The following ADGRV1 variants were observed in gnomAD, a reference collection of about 807,000 sequenced individuals.
The protein encoded by ADGRV1 is G-protein coupled receptor 98.
ADGRV1 carries 359 observed loss-of-function variants against 596.2 expected under a neutral mutation model. That is an observed-to-expected ratio of 0.60 (90% CI 0.55 to 0.66). The LOEUF (loss-of-function observed/expected upper bound fraction) is 0.66. Among genes scored for constraint, ADGRV1 ranks in the 30% least tolerant of loss-of-function variants. The pLI, the probability that ADGRV1 is intolerant of heterozygous loss-of-function variation, is 0.00. For synonymous variants in ADGRV1, 2,681 were observed against 2,679.2 expected (o/e 1.00, Z -0.02); for missense variants, 7,274 against 7,575.6 (o/e 0.96, Z 1.48).
At chr5:90,803,946 T>TTAGAGATGTG (rs1252396242) in intron 71 of ADGRV1, among the ~76,000 whole-genome samples, 106 of 152,314 alleles carry the variant, frequency 7.0e-4, no homozygotes, top group African/African-American at 1.9e-3. Context: ...TCCATCATGG[T>TTAGAGATGTG]ACATTCACAT....
At chr5:90,908,049 C>T (rs1380292945) in intron 83 of ADGRV1, among the ~76,000 whole-genome samples, 1 of 152,060 alleles carries the variant, frequency 6.6e-6, no homozygotes, top group Non-Finnish European at 1.5e-5. Context: ...CGGGCTTTCA[C>T]CACGTCTCTC....
intron 1 of ADGRV1, among the ~76,000 whole-genome samples, chr5:90,585,357 C>G (rs180763742): frequency 9.2e-5 from 14 of 152,264 alleles, no homozygotes; most frequent in Admixed American, 2.0e-4. Context: ...TGTGCATCAT[C>G]GTAAGTGTGG....
intron 32 of ADGRV1, 64 bp downstream of exon 32, chr5:90,692,850 C>T: frequency 8.1e-7 from 1 of 1,232,054 alleles, no homozygotes; most frequent in Non-Finnish European, 1.1e-6. Flanking sequence ...GGGGAAGGAT[C>T]CCTTGCACAG....
intron 34 of ADGRV1, among the ~76,000 whole-genome samples, chr5:90,702,864 T>A (rs2149681775): frequency 6.6e-6 from 1 of 152,112 alleles, no homozygotes; most frequent in East Asian, 1.9e-4. Flanking sequence ...TTTTTAGTGA[T>A]ACAGTTCATT....
intron 83 of ADGRV1, among the ~76,000 whole-genome samples, chr5:90,896,826 G>A (rs1288304289): frequency 3.3e-5 from 5 of 152,116 alleles, no homozygotes; most frequent in African/African-American, 1.2e-4. Flanking sequence ...TAAAAATGTA[G>A]CCTTATCATG....
chr5:91,068,255 G>T (rs1788058374), intron 85 of ADGRV1, among the ~76,000 whole-genome samples: 1 of 151,630 alleles, frequency 6.6e-6, no homozygotes, highest in Non-Finnish European at 1.5e-5. Flanking sequence ...AGGAGATCAA[G>T]ACCATCCTGG....
chr5:90,810,315 G>A lies in ADGRV1; in HGVS notation c.15055G>A (p.Asp5019Asn). The stretch of plus-strand genomic sequence containing the variant: ...CTCAAGAAATATCATAGTGTCAGAA[G>A]ATACACAGATGATCAGATTACATGT... The part of the protein sequence containing the change: ...TSSRNIIVSE[D>N]TQMIRLHVQR... The change falls in exon 74 of 90, where the codon GAT becomes AAT. Residue 5019 changes from aspartate to asparagine, a missense_variant. This residue lies in a region of ADGRV1 where 1,874 missense variants were observed against 1,970.2 expected (regional missense o/e 0.95). Coordinates refer to ENST00000405460, the MANE Select transcript of ADGRV1 (RefSeq NM_032119.4). 6.2e-7 allele frequency: 1 copy of A among 1,610,682 alleles called. No individual in the cohort carries two copies. The highest frequency in any genetic ancestry group is 8.5e-7 in the Non-Finnish European group (1 of 1,178,316).
intron 6 of ADGRV1, 45 bp downstream of exon 6, chr5:90,625,288 G>A: frequency 5.9e-6 from 7 of 1,182,660 alleles, no homozygotes; most frequent in South Asian, 1.3e-5. Flanking sequence ...ATTCTGTGTT[G>A]CAGGACACAG....
At chr5:91,077,967 G>A (rs1443931981) in intron 86 of ADGRV1, among the ~76,000 whole-genome samples, 1 of 152,120 alleles carries the variant, frequency 6.6e-6, no homozygotes, top group Non-Finnish European at 1.5e-5. Context: ...AAGAAAGAAA[G>A]TAGATGATTA....
At chr5:90,878,108 A>G (rs539156891) in intron 83 of ADGRV1, among the ~76,000 whole-genome samples, 5 of 152,316 alleles carry the variant, frequency 3.3e-5, no homozygotes, top group African/African-American at 1.2e-4. Flanking sequence ...TAGGTTATTA[A>G]TAGGCTTGGG....
chr5:90,810,133 C>G (rs1762301697), intron 73 of ADGRV1, 100 bp from the exon 74 acceptor site: 1 of 931,754 alleles, frequency 1.1e-6, no homozygotes, highest in African/African-American at 1.7e-5. Flanking sequence ...AAGTTGCTGC[C>G]CTCATGAGCA....
intron 21 of ADGRV1, among the ~76,000 whole-genome samples, chr5:90,664,551 A>C (rs202153171): frequency 1.7e-5 from 2 of 120,568 alleles, no homozygotes; most frequent in Non-Finnish European, 3.3e-5. Context: ...CAATCATGTC[A>C]TCTGCAAACA....
chr5:90,858,191 A>C (rs193117335), intron 82 of ADGRV1, among the ~76,000 whole-genome samples: 2 of 152,362 alleles, frequency 1.3e-5, no homozygotes, highest in East Asian at 3.9e-4. Context: ...GAAAGGACAA[A>C]TCATCCATTG....
chr5:90,916,879 G>A (rs12513628), intron 83 of ADGRV1, among the ~76,000 whole-genome samples: 43,873 of 151,594 alleles, frequency 0.29, 6,735 homozygotes, highest in Non-Finnish European at 0.35. Context: ...TGATCCGCCC[G>A]CCTCGGCCTC....
At chr5:90,837,243 T>A (rs1765045271) in intron 77 of ADGRV1, among the ~76,000 whole-genome samples, 1 of 152,240 alleles carries the variant, frequency 6.6e-6, no homozygotes, top group African/African-American at 2.4e-5. Flanking sequence ...TTGAAACTGA[T>A]TCCAAATACT....
At chr5:90,995,495 AC>A (rs1483394613) in intron 85 of ADGRV1, among the ~76,000 whole-genome samples, 5 of 152,284 alleles carry the variant, frequency 3.3e-5, no homozygotes, top group African/African-American at 9.6e-5. Flanking sequence ...AGTTAATTAA[AC>A]CTATTTTCTT....
At chr5:90,674,718 G>C (rs903824440) in intron 23 of ADGRV1, 1 of 153,438 alleles carries the variant, frequency 6.5e-6, no homozygotes, top group African/African-American at 2.4e-5. Flanking sequence ...TTCTGTATTG[G>C]AAAATAATAT....
chr5:90,691,027 C>T lies in ADGRV1; in HGVS notation c.6937C>T (p.Pro2313Ser), dbSNP rs1406349587. Reference protein sequence around the residue: ...LLLEVLADDVPEIEEVIQVQL... With the variant: ...LLLEVLADDVSEIEEVIQVQL... ...GTTAGAGGTCCTGGCTGACGACGTT[C>T]CGGAGATTGAAGAGGTGAGAGGACT... Residue 2313 changes from proline (P) to serine (S), a missense_variant, in exon 31 of 90, where the codon CCG (proline) becomes TCG (serine). By Grantham distance (74) the Pro-to-Ser change is moderately conservative. Transcript: ENST00000405460. 1 of 1,613,498 alleles carries T rather than the reference C, an allele frequency of 6.2e-7. No individual in the cohort carries two copies. Among genetic ancestry groups the T allele is most frequent in the Non-Finnish European group, 8.5e-7 (1 of 1,179,590 alleles).
intron 70 of ADGRV1, among the ~76,000 whole-genome samples, chr5:90,796,137 G>C (rs540003044): frequency 6.6e-6 from 1 of 152,268 alleles, no homozygotes; most frequent in African/African-American, 2.4e-5. Context: ...TTTGATGATT[G>C]ACAGAAGTAA....
Sources: allele counts gnomAD v4.1 joint callset (sites outside exome capture counted in the v4.1 genomes callset), GRCh38; gene constraint gnomAD v4.1.1; regional missense constraint gnomAD v4.1.1; transcripts MANE v1.5; gene names NCBI Gene and HGNC (gene_info 2026-07-23, HGNC 2026-07-21).